Variants in ADK observed in about 807,000 individuals in gnomAD.
ADK encodes adenosine kinase, also known as N6,N6-dimethyladenosine kinase.
A neutral mutation model predicts 44.7 loss-of-function variants in ADK; 24 were observed. The observed-to-expected ratio is 0.54, with a 90% confidence interval of 0.39 to 0.76. ADK has a LOEUF of 0.76. ADK is among the 30% of genes least tolerant of loss of function. The pLI, the probability that ADK is intolerant of heterozygous loss-of-function variation, is 0.00. For synonymous variants in ADK, 128 were observed against 142.6 expected (o/e 0.90, Z 0.73); for missense variants, 321 against 425.1 (o/e 0.76, Z 2.15).
At chr10:74,361,395 C>G (rs1842332211) in intron 4 of ADK, among the ~76,000 whole-genome samples, 1 of 151,912 alleles carries the variant, frequency 6.6e-6, no homozygotes, top group South Asian at 2.1e-4. Context: ...TGCTTTTTAT[C>G]CATTTTTGCT....
intron 6 of ADK, among the ~76,000 whole-genome samples, chr10:74,426,131 T>TGA (rs1255603271): frequency 6.6e-6 from 1 of 152,208 alleles, no homozygotes; most frequent in Non-Finnish European, 1.5e-5. Flanking sequence ...ATTTGCATTA[T>TGA]ATCTACTATT....
chr10:74,516,528 C>CTTTTT (rs58022347), intron 6 of ADK, among the ~76,000 whole-genome samples: 2 of 138,924 alleles, frequency 1.4e-5, no homozygotes, highest in Admixed American at 7.2e-5. Flanking sequence ...CTTTTCTTTT[C>CTTTTT]TTTTTTTTTT....
intron 3 of ADK, among the ~76,000 whole-genome samples, chr10:74,227,530 T>A (rs1844586760): frequency 6.6e-6 from 1 of 152,014 alleles, no homozygotes; most frequent in South Asian, 2.1e-4. Context: ...GGAAACATAG[T>A]GAGACCCCAT....
chr10:74,319,816 G>A (rs1302650717), intron 4 of ADK, among the ~76,000 whole-genome samples: 1 of 151,948 alleles, frequency 6.6e-6, no homozygotes, highest in Non-Finnish European at 1.5e-5. Context: ...AACCTAATTT[G>A]AATAATACCA....
At chr10:74,306,963 A>G (rs953814452) in intron 3 of ADK, among the ~76,000 whole-genome samples, 1 of 152,158 alleles carries the variant, frequency 6.6e-6, no homozygotes, top group African/African-American at 2.4e-5. Context: ...TTCCAATGTT[A>G]CTACTTCAGC....
At chr10:74,203,661 C>T (rs1022774119) in intron 2 of ADK, among the ~76,000 whole-genome samples, 14 of 152,034 alleles carry the variant, frequency 9.2e-5, no homozygotes, top group African/African-American at 3.1e-4. Flanking sequence ...AGGCATTAGC[C>T]ACCATACCTG....
At chr10:74,690,339 A>G (rs1051611160) in intron 10 of ADK, among the ~76,000 whole-genome samples, 1 of 152,188 alleles carries the variant, frequency 6.6e-6, no homozygotes, top group African/African-American at 2.4e-5. Flanking sequence ...TACCAAGAAT[A>G]CAAAAAATTA....
At chr10:74,426,161 A>G (rs1844790320) in intron 6 of ADK, among the ~76,000 whole-genome samples, 2 of 152,130 alleles carry the variant, frequency 1.3e-5, no homozygotes, top group Non-Finnish European at 2.9e-5. Flanking sequence ...GATTTTTGTT[A>G]ATATATAATG....
intron 6 of ADK, among the ~76,000 whole-genome samples, chr10:74,504,569 G>A (rs1018585738): frequency 1.3e-5 from 2 of 152,094 alleles, no homozygotes; most frequent in African/African-American, 4.8e-5. Context: ...GTAAGCTAGA[G>A]AAAAGAAAAT....
At chr10:74,515,978 A>G (rs553061283) in intron 6 of ADK, among the ~76,000 whole-genome samples, 1 of 152,254 alleles carries the variant, frequency 6.6e-6, no homozygotes, top group Admixed American at 6.5e-5. Context: ...TGCAGTGGCC[A>G]CTTTCCCCCC....
At chr10:74,694,024 G>A (rs1324095591) in intron 10 of ADK, among the ~76,000 whole-genome samples, 2 of 151,834 alleles carry the variant, frequency 1.3e-5, no homozygotes, top group Non-Finnish European at 2.9e-5. Context: ...TTTTAAAAAG[G>A]TTTATTGACT....
chr10:74,679,136 C>T (rs1855508915), intron 10 of ADK, among the ~76,000 whole-genome samples: 1 of 152,172 alleles, frequency 6.6e-6, no homozygotes. Context: ...CCTCAAAGTT[C>T]TTAGCCCTAG....
At chr10:74,535,865 AG>A (rs946144921) in intron 7 of ADK, among the ~76,000 whole-genome samples, 7 of 152,208 alleles carry the variant, frequency 4.6e-5, no homozygotes, top group African/African-American at 1.7e-4. Context: ...CTGAGATTAC[AG>A]GTGTGAGCCC....
In ADK at chr10:74,240,027, T is replaced by C. The variant is rs201391400; in HGVS notation, c.194+15436T>C. On this transcript the variant is annotated intron_variant, in intron 3 of 10. Coordinates refer to ENST00000539909, the MANE Select transcript of ADK (RefSeq NM_006721.4). ...TTCTTTGCACAGCTTTTTTTTTTTTTCCTCTAAGACAGAGTCTCACTCTGT... is the reference window on the plus strand; with the variant it reads ...TTCTTTGCACAGCTTTTTTTTTTTTCCCTCTAAGACAGAGTCTCACTCTGT... Among the ~76,000 whole-genome samples, 7 of 148,440 alleles carry C rather than the reference T, an allele frequency of 4.7e-5. No homozygotes were observed. The South Asian group carries it at 8.4e-4, about 18-fold the overall frequency.
At chr10:74,498,875 C>T (rs998665850) in intron 6 of ADK, among the ~76,000 whole-genome samples, 11 of 152,076 alleles carry the variant, frequency 7.2e-5, no homozygotes, top group African/African-American at 2.7e-4. Flanking sequence ...TACTATGCAG[C>T]CATAAAAAAT....
chr10:74,438,391 ATT>A (rs796983917), intron 6 of ADK, among the ~76,000 whole-genome samples: 1 of 128,090 alleles, frequency 7.8e-6, no homozygotes. Context: ...CATCCGGCTA[ATT>A]TTTTTTTTTT....
intron 6 of ADK, among the ~76,000 whole-genome samples, chr10:74,515,906 A>G (rs922249966): frequency 1.3e-5 from 2 of 152,132 alleles, no homozygotes; most frequent in Non-Finnish European, 2.9e-5. Flanking sequence ...AGCTTGGATC[A>G]TGGTGTTCAG....
chr10:74,479,145 C>T (rs755162507), intron 6 of ADK, among the ~76,000 whole-genome samples: 1 of 152,026 alleles, frequency 6.6e-6, no homozygotes, highest in African/African-American at 2.4e-5. Flanking sequence ...ACCACAGGCA[C>T]GTACCACCAC....
intron 9 of ADK, among the ~76,000 whole-genome samples, chr10:74,640,396 C>G (rs930565555): frequency 1.3e-5 from 2 of 152,214 alleles, no homozygotes; most frequent in Admixed American, 6.5e-5. Context: ...TTGCTTTAGG[C>G]AGAGCATTCC....
Sources: gnomAD v4.1 joint callset for allele counts (sites outside exome capture counted in the v4.1 genomes callset) on GRCh38, gnomAD v4.1.1 for gene constraint, MANE v1.5 for transcripts, NCBI Gene and HGNC (gene_info 2026-07-23, HGNC 2026-07-21) for gene names.